Variants in RAC1 observed in about 807,000 individuals in gnomAD.
RAC1 encodes ras-related C3 botulinum toxin substrate 1.
A neutral mutation model predicts 25.2 loss-of-function variants in RAC1; 2 were observed. The observed-to-expected ratio is 0.08, with a 90% CI of 0.03 to 0.25. The LOEUF (loss-of-function observed/expected upper bound fraction) is 0.25, where lower values mean the gene tolerates loss of function less well. Among genes scored for constraint, RAC1 ranks in the 10% least tolerant of loss-of-function variants. RAC1 has a pLI of 1.00. For synonymous variants in RAC1, 88 were observed against 94.0 expected (o/e 0.94, Z 0.37); for missense variants, 50 against 235.7 (o/e 0.21, Z 5.16).
rs1332211812 is a variant in RAC1 at position 6,401,930 on chromosome 7, T to C, written c.351T>C (p.Leu117=). Residue 117 remains leucine, a synonymous_variant, in exon 5 of 6, where the codon CTT becomes CTC. Coordinates refer to ENST00000348035, the MANE Select transcript of RAC1 (RefSeq NM_006908.5). ...CCATCATCCTAGTGGGAACTAAACT[T>C]GATCTTAGGGATGATAAAGACACGA... ...NTPIILVGTK[L]DLRDDKDTIE... is the part of the protein sequence containing the mutation. 6.2e-7 allele frequency: 1 copy of C among 1,614,148 alleles called. No homozygotes were observed. The highest frequency in any genetic ancestry group is 1.7e-5 in the Admixed American group (1 of 60,026).
At chr7:6,387,704 A>T (rs1293573926) in intron 2 of RAC1, among the ~76,000 whole-genome samples, 1 of 152,006 alleles carries the variant, frequency 6.6e-6, no homozygotes, top group Non-Finnish European at 1.5e-5. Flanking sequence ...CAGCCTGGGC[A>T]ATGAGAGCGA....
At chr7:6,375,061 C>G (rs1309934227) in intron 1 of RAC1, among the ~76,000 whole-genome samples, 1 of 141,474 alleles carries the variant, frequency 7.1e-6, no homozygotes, top group African/African-American at 2.6e-5. Flanking sequence ...CGCCCGCCGC[C>G]CTCCTCGGGA....
intron 3 of RAC1, chr7:6,398,778 C>T (rs187252504): frequency 2.5e-5 from 38 of 1,507,536 alleles, no homozygotes; most frequent in Admixed American, 2.3e-4. Flanking sequence ...CATTTCACTT[C>T]GTTTTCCTAG....
At chr7:6,377,511 T>G (rs1301385038) in intron 1 of RAC1, among the ~76,000 whole-genome samples, 1 of 152,144 alleles carries the variant, frequency 6.6e-6, no homozygotes, top group Non-Finnish European at 1.5e-5. Flanking sequence ...GGAGGATCGC[T>G]TGAAACCCAG....
chr7:6,394,806 A>G (rs1783184216), intron 3 of RAC1, among the ~76,000 whole-genome samples: 1 of 151,802 alleles, frequency 6.6e-6, no homozygotes, highest in Non-Finnish European at 1.5e-5. Flanking sequence ...CTAGTCTCTC[A>G]AGTAGCTGGG....
In RAC1 at chr7:6,387,202, TTCTC is replaced by T. The variant is rs765371890; in HGVS notation, c.36-8_36-5del. On this transcript the variant is annotated splice_polypyrimidine_tract_variant and splice_region_variant and intron_variant, in intron 1 of 5. Transcript: ENST00000348035. ...GTTGACTAAGCAACCTTTTTTCTCT[TTCTC>T]TTTAGAGCTGTAGGTAAAACTTGCC... 19 of 1,544,354 alleles carry T rather than the reference TTCTC, an allele frequency of 1.2e-5. No individual in the cohort carries two copies. The highest frequency in any genetic ancestry group is 4.8e-5 in the South Asian group (4 of 83,724).
chr7:6,386,340 G>A (rs903527588), intron 1 of RAC1, among the ~76,000 whole-genome samples: 6 of 152,238 alleles, frequency 3.9e-5, no homozygotes, highest in African/African-American at 1.2e-4. Flanking sequence ...GTAGTTTATT[G>A]ACTAAGCACT....
At chr7:6,376,347 T>C (rs1216501039) in intron 1 of RAC1, among the ~76,000 whole-genome samples, 12 of 151,672 alleles carry the variant, frequency 7.9e-5, no homozygotes, top group Non-Finnish European at 1.5e-5. Flanking sequence ...CGTGTCCGGC[T>C]AATTTTTGTA....
intron 1 of RAC1, among the ~76,000 whole-genome samples, chr7:6,376,499 T>A (rs982415653): frequency 7.1e-6 from 1 of 140,246 alleles, no homozygotes; most frequent in Non-Finnish European, 1.5e-5. Context: ...TTTTTTTTTT[T>A]TCTTTTCTTT....
chr7:6,377,175 G>C (rs1164798325), intron 1 of RAC1, among the ~76,000 whole-genome samples: 1 of 151,582 alleles, frequency 6.6e-6, no homozygotes, highest in African/African-American at 2.4e-5. Flanking sequence ...AGGCTTAAAA[G>C]TCTGTGGCCT....
At chr7:6,375,782 T>G (rs1782574211) in intron 1 of RAC1, 1 of 152,088 alleles carries the variant, frequency 6.6e-6, no homozygotes, top group Non-Finnish European at 1.5e-5. Context: ...CAGGCATTGC[T>G]TTTCATGATT....
chr7:6,398,316 C>T (rs1379465843), intron 3 of RAC1, among the ~76,000 whole-genome samples: 7 of 152,186 alleles, frequency 4.6e-5, no homozygotes, highest in East Asian at 1.9e-4. Context: ...CCGTGGCTCC[C>T]GCCTGCCTTT....
intron 1 of RAC1, chr7:6,375,922 T>C (rs1349754684): frequency 1.3e-5 from 2 of 152,056 alleles, no homozygotes; most frequent in African/African-American, 2.4e-5. Context: ...TATAGGTTAG[T>C]GTTAGCGAGG....
intron 1 of RAC1, among the ~76,000 whole-genome samples, chr7:6,379,552 G>A (rs879385248): frequency 6.6e-6 from 1 of 152,066 alleles, no homozygotes; most frequent in Non-Finnish European, 1.5e-5. Context: ...TGGGATTACA[G>A]GCATGAGCCA....
chr7:6,386,788 C>CAAAAAAAAA (rs71008388), intron 1 of RAC1, among the ~76,000 whole-genome samples: 8 of 87,852 alleles, frequency 9.1e-5, no homozygotes, highest in Admixed American at 1.2e-4. Context: ...GACTCGGTCT[C>CAAAAAAAAA]AAAAAAAAAA....
rs35025040 is a variant in RAC1, at chr7:6,375,077, C to T, written c.35+307C>T. 7.4e-4 allele frequency among the ~76,000 whole-genome samples: 113 copies of T among 152,156 alleles called. 3 individuals are homozygous for T. In the East Asian group the frequency reaches 0.021, roughly 29 times the overall value. The stretch of plus-strand genomic sequence containing the variant: ...GCCCGCCGCCCTCCTCGGGAGCGCT[C>T]GTAGAGCAAGCGCTCTTGGAGATTT... On this transcript the variant is annotated intron_variant, in intron 1 of 5. Coordinates refer to ENST00000348035, the MANE Select transcript of RAC1 (RefSeq NM_006908.5).
At chr7:6,390,326 G>A (rs1228639996) in intron 2 of RAC1, among the ~76,000 whole-genome samples, 2 of 151,706 alleles carry the variant, frequency 1.3e-5, no homozygotes, top group African/African-American at 4.8e-5. Flanking sequence ...CCTTACCCGG[G>A]CACGGTGGCT....
intron 2 of RAC1, 127 bp downstream of exon 2, chr7:6,387,410 C>G (rs1782954102): frequency 1.5e-6 from 1 of 689,520 alleles, no homozygotes; most frequent in Non-Finnish European, 2.4e-6. Context: ...CTTAAACATT[C>G]ACTGAAACCT....
intron 1 of RAC1, among the ~76,000 whole-genome samples, chr7:6,382,006 T>C (rs1053196886): frequency 6.6e-6 from 1 of 152,086 alleles, no homozygotes; most frequent in Non-Finnish European, 1.5e-5. Context: ...TTTTTTTGTT[T>C]TTTGAGTCAG....
Sources: gnomAD v4.1 joint callset for allele counts (sites outside exome capture counted in the v4.1 genomes callset) on GRCh38, gnomAD v4.1.1 for gene constraint, MANE v1.5 for transcripts, NCBI Gene and HGNC (gene_info 2026-07-23, HGNC 2026-07-21) for gene names.